The following RNGTT variants were observed in gnomAD, a reference collection of about 807,000 sequenced individuals.
The protein encoded by RNGTT is RNA guanylyltransferase and 5'-phosphatase, also known as mRNA-capping enzyme.
In RNGTT, 33 loss-of-function variants were observed where a neutral mutation model predicts 79.3. That is an observed-to-expected ratio of 0.42 (90% CI 0.32 to 0.56). The LOEUF is 0.56. Ranked by LOEUF, RNGTT falls within the 20% of genes least tolerant of loss-of-function variation. RNGTT has a pLI of 0.17. For missense variants in RNGTT, 497 were observed against 739.1 expected, an observed-to-expected ratio of 0.67 and a Z score of 3.80; for synonymous variants, 222 against 235.9, an observed-to-expected ratio of 0.94 and a Z score of 0.54.
chr6:88,664,347 T>C (rs1276212344), intron 14 of RNGTT, among the ~76,000 whole-genome samples: 2 of 152,160 alleles, frequency 1.3e-5, no homozygotes, highest in Non-Finnish European at 2.9e-5. Context: ...AATCAGCGCA[T>C]GATTAACATG....
At chr6:88,713,413 G>C (rs1346049003) in intron 13 of RNGTT, among the ~76,000 whole-genome samples, 1 of 152,104 alleles carries the variant, frequency 6.6e-6, no homozygotes, top group Non-Finnish European at 1.5e-5. Flanking sequence ...ACTGTATTTA[G>C]ATAAATATTT....
intron 13 of RNGTT, among the ~76,000 whole-genome samples, chr6:88,680,624 C>A (rs1030032311): frequency 6.6e-6 from 1 of 151,896 alleles, no homozygotes; most frequent in Admixed American, 6.6e-5. Flanking sequence ...TGCTTGTAAT[C>A]CCAGCTACTC....
intron 13 of RNGTT, chr6:88,714,137 A>T (rs1776417934): frequency 6.6e-6 from 1 of 152,206 alleles, no homozygotes; most frequent in African/African-American, 2.4e-5. Context: ...CACTACTTAG[A>T]TTAATTAATA....
chr6:88,730,254 C>G (rs1380511357), intron 13 of RNGTT, among the ~76,000 whole-genome samples: 1 of 152,194 alleles, frequency 6.6e-6, no homozygotes, highest in Non-Finnish European at 1.5e-5. Context: ...ATTACCTGCT[C>G]CACCCTGACT....
chr6:88,875,498 C>T (rs1782490850), intron 8 of RNGTT, among the ~76,000 whole-genome samples: 1 of 151,936 alleles, frequency 6.6e-6, no homozygotes. Flanking sequence ...AAATAACTAT[C>T]AAAATATTGA....
intron 11 of RNGTT, 53 bp from the exon 12 acceptor site, chr6:88,801,685 G>T: frequency 8.5e-7 from 1 of 1,177,966 alleles, no homozygotes; most frequent in African/African-American, 1.5e-5. Context: ...CACTTTAAAA[G>T]TATTTAAACT....
At chr6:88,884,883 C>T (rs918896837) in intron 8 of RNGTT, among the ~76,000 whole-genome samples, 1 of 152,050 alleles carries the variant, frequency 6.6e-6, no homozygotes, top group African/African-American at 2.4e-5. Context: ...GATAGCAATT[C>T]CAAAACTACT....
At chr6:88,759,264 T>A (rs1018938540) in intron 13 of RNGTT, among the ~76,000 whole-genome samples, 18 of 152,316 alleles carry the variant, frequency 1.2e-4, no homozygotes, top group Middle Eastern at 6.8e-3. Flanking sequence ...TACATTGTTT[T>A]TGTTGGGTTG....
intron 2 of RNGTT, among the ~76,000 whole-genome samples, chr6:88,938,551 A>C (rs149307121): frequency 2.0e-5 from 3 of 152,170 alleles, no homozygotes; most frequent in Non-Finnish European, 4.4e-5. Flanking sequence ...TAATATGTGA[A>C]GGCTTATTCC....
Position 88,901,495 on chromosome 6 carries a change from C to CTTTTTTTTTTTTTTTTTTTT in RNGTT, c.684+3200_684+3219dup, listed in dbSNP as rs71024314. Among the ~76,000 whole-genome samples the CTTTTTTTTTTTTTTTTTTTT allele has an allele frequency of 9.3e-4, 61 of 65,810 alleles. 10 individuals carry two copies. The highest frequency in any genetic ancestry group is 1.3e-3 in the Non-Finnish European group (46 of 36,368). The allele number at this position is 65,810 out of a possible 152,430, so 43.2% of individuals were successfully genotyped here. ...AAAAATAACTGTCAAGCACCCTGAT[C>CTTTTTTTTTTTTTTTTTTTT]TTTTTTTTTTTTTTTTTTTTTTTTT... On this transcript the variant is annotated intron_variant, in intron 6 of 15. Coordinates refer to ENST00000369485, the MANE Select transcript of RNGTT (RefSeq NM_003800.5).
At chr6:88,719,828 A>T (rs1282837580) in intron 13 of RNGTT, among the ~76,000 whole-genome samples, 1 of 152,230 alleles carries the variant, frequency 6.6e-6, no homozygotes, top group East Asian at 1.9e-4. Flanking sequence ...AAAATAGGTA[A>T]GAAATTCAAA....
intron 13 of RNGTT, among the ~76,000 whole-genome samples, chr6:88,686,569 G>A (rs1775285876): frequency 6.6e-6 from 1 of 151,984 alleles, no homozygotes; most frequent in African/African-American, 2.4e-5. Flanking sequence ...ATTGACGTAA[G>A]GACAAACAAG....
chr6:88,735,009 A>G (rs2127821738), intron 13 of RNGTT, among the ~76,000 whole-genome samples: 1 of 152,278 alleles, frequency 6.6e-6, no homozygotes, highest in African/African-American at 2.4e-5. Flanking sequence ...AAGTAACCCC[A>G]CCATAAGCTG....
At chr6:88,948,202 C>A (rs1299985613) in intron 1 of RNGTT, among the ~76,000 whole-genome samples, 6 of 18,824 alleles carry the variant, frequency 3.2e-4, no homozygotes, top group African/African-American at 8.4e-4. Flanking sequence ...CCCCCCCGCC[C>A]GGCCAGCCGC....
chr6:88,838,160 T>C (rs1344552749), intron 11 of RNGTT, among the ~76,000 whole-genome samples: 1 of 152,152 alleles, frequency 6.6e-6, no homozygotes, highest in African/African-American at 2.4e-5. Flanking sequence ...GCTAACATCA[T>C]ATTTAATAGT....
Position 88,963,501 on chromosome 6 carries a change from A to G in RNGTT, c.-92T>C. On this transcript the variant is annotated 5_prime_UTR_variant, in exon 1 of 16. Transcript: ENST00000369485. ...GTGGTCCGGTGCACACCGGGGTCCGAGACACCCGAATCGCAGCCGTAATCT... is the reference window on the plus strand; with the variant it reads ...GTGGTCCGGTGCACACCGGGGTCCGGGACACCCGAATCGCAGCCGTAATCT... The G allele has an allele frequency of 1.6e-6, 2 of 1,241,722 alleles. No individual in the cohort carries two copies. The highest frequency in any genetic ancestry group is 2.2e-6 in the Non-Finnish European group (2 of 917,784). 76.9% of individuals were successfully genotyped at this position (1,241,722 alleles called of 1,614,324 possible).
At chr6:88,883,560 T>C (rs1304048421) in intron 8 of RNGTT, among the ~76,000 whole-genome samples, 1 of 152,180 alleles carries the variant, frequency 6.6e-6, no homozygotes, top group African/African-American at 2.4e-5. Flanking sequence ...AATGAATTTA[T>C]GCATTAATTC....
chr6:88,943,093 T>C (rs111661081), intron 1 of RNGTT, among the ~76,000 whole-genome samples: 3,094 of 152,302 alleles, frequency 0.02, 107 homozygotes, highest in African/African-American at 0.069. Flanking sequence ...TCTAGTCTCA[T>C]GGCTTTAAAA....
intron 13 of RNGTT, among the ~76,000 whole-genome samples, chr6:88,702,034 G>C (rs959684117): frequency 6.6e-6 from 1 of 151,942 alleles, no homozygotes; most frequent in East Asian, 1.9e-4. Flanking sequence ...TTTACAAGGA[G>C]ATCTATAAAA....
Sources: allele counts gnomAD v4.1 joint callset (sites outside exome capture counted in the v4.1 genomes callset), GRCh38; gene constraint gnomAD v4.1.1; transcripts MANE v1.5; gene names NCBI Gene and HGNC (gene_info 2026-07-23, HGNC 2026-07-21).